Variants in BARD1 observed in about 807,000 individuals in gnomAD.
BARD1 encodes BRCA1 associated RING domain 1, also known as BRCA1-associated RING domain protein 1.
BARD1 carries 73 observed loss-of-function variants against 77.0 expected under a neutral mutation model. The ratio of observed to expected loss-of-function variants is 0.95; its 90% CI spans 0.79 to 1.15. BARD1 has a LOEUF of 1.15. Among genes scored for constraint, BARD1 ranks in the 50% most tolerant of loss-of-function variants. BARD1 has a pLI of 0.00. For missense variants in BARD1, 993 were observed against 938.8 expected (o/e 1.06, Z -0.75); for synonymous variants, 384 against 338.0 (o/e 1.14, Z -1.49).
chr2:214,805,720 TGA>T (rs757533604), intron 1 of BARD1, among the ~76,000 whole-genome samples: 2 of 151,668 alleles, frequency 1.3e-5, no homozygotes, highest in Non-Finnish European at 2.9e-5. Flanking sequence ...CCTCAAAGTA[TGA>T]GAGAATACAA....
intron 6 of BARD1, among the ~76,000 whole-genome samples, chr2:214,755,354 T>C (rs545636643): frequency 2.6e-5 from 4 of 152,332 alleles, no homozygotes; most frequent in South Asian, 4.1e-4. Flanking sequence ...GCTTATAAAA[T>C]GGCTTTTTCT....
intron 6 of BARD1, among the ~76,000 whole-genome samples, chr2:214,761,147 C>T (rs1693945016): frequency 6.6e-6 from 1 of 151,426 alleles, no homozygotes. Flanking sequence ...GTGATTACTA[C>T]TAATAACAAA....
intron 1 of BARD1, among the ~76,000 whole-genome samples, chr2:214,801,253 A>G (rs1696004873): frequency 6.6e-6 from 1 of 152,230 alleles, no homozygotes; most frequent in Non-Finnish European, 1.5e-5. Flanking sequence ...AATGTTTCCA[A>G]TAAGGAAATG....
chr2:214,767,448 A>G (rs1306230978), intron 6 of BARD1, 34 bp downstream of exon 6: 1 of 1,598,258 alleles, frequency 6.3e-7, no homozygotes, highest in South Asian at 1.1e-5. Context: ...ATATAGGTCC[A>G]TTTTAAAAAT....
rs1285132720 is a variant in BARD1 at position 214,727,128 on chromosome 2, TAG to T, written c.*1546_*1547del. 15 of 216,950 alleles carry T rather than the reference TAG, an allele frequency of 6.9e-5. No homozygotes were observed. The highest frequency in any genetic ancestry group is 2.7e-4 in the African/African-American group (12 of 44,682). The allele number at this position is 216,950 out of a possible 1,614,324, so 13.4% of individuals were successfully genotyped here. A position where few individuals can be genotyped will look rare whatever the true frequency, so the allele number is the denominator to read the frequency against. On this transcript the variant is annotated 3_prime_UTR_variant, in exon 11 of 11. Coordinates refer to ENST00000260947, the MANE Select transcript of BARD1 (RefSeq NM_000465.4). ...TGTGGGACAAATGCATTACTGGTTG[TAG>T]AGAGTGTTTCAGAGCTAATTCACCC... is the stretch of plus-strand genomic sequence containing the variant.
intron 7 of BARD1, among the ~76,000 whole-genome samples, chr2:214,750,428 G>A (rs953933186): frequency 1.3e-5 from 2 of 152,020 alleles, no homozygotes; most frequent in African/African-American, 4.8e-5. Flanking sequence ...TTAAACACAC[G>A]TCATACTCCT....
Position 214,728,838 on chromosome 2 carries a change from C to T in BARD1, c.2172G>A (p.Ala724=), listed in dbSNP as rs143331809. The T allele has an allele frequency of 3.7e-6, 6 of 1,614,198 alleles. No individual in the cohort carries two copies. Among genetic ancestry groups the T allele is most frequent in the South Asian group, 1.1e-5 (1 of 91,076 alleles). ...TQTINTVAYH[A]RPDSDQRFCT... is the part of the protein sequence containing the mutation. ...AGAAGCGCTGATCAGAATCGGGTCT[C>T]GCATGGTATGCGACTGTATTGATGG... is the stretch of plus-strand genomic sequence containing the variant. The change falls in exon 11 of 11, where the codon GCG becomes GCA. Residue 724 remains alanine (A), a synonymous_variant. Transcript: ENST00000260947.
At chr2:214,786,325 A>G (rs1340454761) in intron 3 of BARD1, among the ~76,000 whole-genome samples, 1 of 152,018 alleles carries the variant, frequency 6.6e-6, no homozygotes. Flanking sequence ...AAAGTACATC[A>G]TCTATTATTT....
At chr2:214,734,855 T>C (rs1692503915) in intron 9 of BARD1, among the ~76,000 whole-genome samples, 1 of 152,204 alleles carries the variant, frequency 6.6e-6, no homozygotes, top group Admixed American at 6.5e-5. Flanking sequence ...CCAAAAGTAC[T>C]TGTATCCTTC....
intron 6 of BARD1, among the ~76,000 whole-genome samples, chr2:214,758,729 G>A (rs935624586): frequency 6.6e-6 from 1 of 152,182 alleles, no homozygotes; most frequent in African/African-American, 2.4e-5. Context: ...GGTGTTCAAT[G>A]TTTCAGTTTT....
intron 9 of BARD1, among the ~76,000 whole-genome samples, chr2:214,733,399 C>G (rs1346730103): frequency 6.6e-6 from 1 of 151,890 alleles, no homozygotes. Context: ...ATTTTATATA[C>G]TATCTTTAAT....
In BARD1 at chr2:214,767,762, TTTA is replaced by T. The variant is rs66463207; in HGVS notation, c.1396-111_1396-109del. 1.9e-3 allele frequency: 2,006 copies of T among 1,041,500 alleles called. 4 individuals carry two copies. Among genetic ancestry groups the T allele is most frequent in the Middle Eastern group, 6.5e-3 (27 of 4,180 alleles). The allele number at this position is 1,041,500 out of a possible 1,614,324, so 64.5% of individuals were successfully genotyped here. On this transcript the variant is annotated intron_variant, in intron 5 of 10. Coordinates refer to ENST00000260947, the MANE Select transcript of BARD1 (RefSeq NM_000465.4). Reference sequence around the variant, plus strand: ...ATAAATGTAAACGTCAGGCAGTAAATTTATTGTTACCTAAATACTCAAAAACAC... The same window carrying T: ...ATAAATGTAAACGTCAGGCAGTAAATTTGTTACCTAAATACTCAAAAACAC...
chr2:214,775,007 G>C (rs1449909159), intron 4 of BARD1, among the ~76,000 whole-genome samples: 1 of 152,128 alleles, frequency 6.6e-6, no homozygotes, highest in African/African-American at 2.4e-5. Flanking sequence ...CTGGAGTAGG[G>C]TTTTGCTTAA....
At position 214,728,532 on chromosome 2, in the gene BARD1, T is replaced by C. The variant is rs1692179889; in HGVS notation, c.*144A>G. ...CATAACATGAATTCCTAATCTGGCA[T>C]TAGACTTTTTTTTTTTTTTTGATTC... On this transcript the variant is annotated 3_prime_UTR_variant, in exon 11 of 11. Transcript: ENST00000260947. The C allele has an allele frequency of 1.5e-5, 10 of 672,942 alleles. No homozygotes were observed. The South Asian group carries it at 2.0e-4, about 14-fold the overall frequency. The allele number at this position is 672,942 out of a possible 1,614,324, so 41.7% of individuals were successfully genotyped here.
At position 214,792,457 on chromosome 2, in the gene BARD1, T is replaced by G. The variant is rs199846428; in HGVS notation, c.216-12A>C. ...CACTTACACAATTACTTTAAAATAA[T>G]TAAAAAAAAAAAAAAAAGCAACCCA... On this transcript the variant is annotated splice_polypyrimidine_tract_variant and intron_variant, in intron 2 of 10. Coordinates refer to ENST00000260947, the MANE Select transcript of BARD1 (RefSeq NM_000465.4). 4.1e-6 allele frequency: 6 copies of G among 1,453,524 alleles called. No homozygotes were observed. 90.0% of individuals were successfully genotyped at this position (1,453,524 alleles called of 1,614,324 possible).
At chr2:214,765,321 A>G (rs1420910428) in intron 6 of BARD1, among the ~76,000 whole-genome samples, 1 of 152,100 alleles carries the variant, frequency 6.6e-6, no homozygotes, top group East Asian at 1.9e-4. Flanking sequence ...GTCTCATGCC[A>G]CTCCTTGTAT....
At chr2:214,745,311 T>C (rs923979988) in intron 8 of BARD1, 152 bp from the exon 9 acceptor site, 1 of 686,880 alleles carries the variant, frequency 1.5e-6, no homozygotes, top group African/African-American at 1.8e-5. Flanking sequence ...TACTTCTATT[T>C]AGTATCTAGT....
chr2:214,732,563 T>C (rs1692403870), intron 9 of BARD1, among the ~76,000 whole-genome samples: 1 of 152,054 alleles, frequency 6.6e-6, no homozygotes, highest in Non-Finnish European at 1.5e-5. Context: ...GTCTGGCTAA[T>C]TTTTTGTACT....
intron 1 of BARD1, 104 bp downstream of exon 1, chr2:214,809,308 G>C (rs1369234074): frequency 6.0e-6 from 9 of 1,503,788 alleles, no homozygotes; most frequent in Non-Finnish European, 7.2e-6. Flanking sequence ...CGACTGCAGC[G>C]CGGGAACGGA....
Sources: allele counts gnomAD v4.1 joint callset (sites outside exome capture counted in the v4.1 genomes callset), GRCh38; gene constraint gnomAD v4.1.1; transcripts MANE v1.5; gene names NCBI Gene and HGNC (gene_info 2026-07-23, HGNC 2026-07-21).